PRICKLE2: variants seen among roughly 807,000 people sequenced by gnomAD.
PRICKLE2 encodes the protein prickle planar cell polarity protein 2.
In PRICKLE2, 21 loss-of-function variants were observed where a neutral mutation model predicts 81.4. The observed-to-expected ratio is 0.26, with a 90% CI of 0.18 to 0.37. PRICKLE2 has a LOEUF of 0.37. PRICKLE2 is among the 10% of genes least tolerant of loss of function. The pLI is 1.00. For synonymous variants in PRICKLE2, 456 were observed against 421.5 expected, an observed-to-expected ratio of 1.08 and a Z score of -1.00; for missense variants, 940 against 1,109.0, an observed-to-expected ratio of 0.85 and a Z score of 2.16.
At chr3:64,171,808 T>C (rs1350400113) in intron 2 of PRICKLE2, among the ~76,000 whole-genome samples, 2 of 152,212 alleles carry the variant, frequency 1.3e-5, no homozygotes, top group African/African-American at 4.8e-5. Flanking sequence ...AGATTAGTGC[T>C]GTGGGGTGGG....
At chr3:64,180,927 A>G (rs929394350) in intron 2 of PRICKLE2, among the ~76,000 whole-genome samples, 3 of 152,338 alleles carry the variant, frequency 2.0e-5, no homozygotes, top group Admixed American at 2.0e-4. Context: ...TGAGTCAGAC[A>G]GTGTGTCTAC....
chr3:64,214,133 C>A (rs1038816061), intron 1 of PRICKLE2, among the ~76,000 whole-genome samples: 28 of 152,196 alleles, frequency 1.8e-4, no homozygotes, highest in African/African-American at 6.8e-4. Context: ...CGTGAGCCAG[C>A]TGGCAGCGGA....
At chr3:64,185,744 A>G (rs1282013142) in intron 2 of PRICKLE2, among the ~76,000 whole-genome samples, 1 of 152,258 alleles carries the variant, frequency 6.6e-6, no homozygotes, top group Non-Finnish European at 1.5e-5. Context: ...CCTGTTTGCT[A>G]AAGAGTAACT....
rs1553648460 is a variant in PRICKLE2 at position 64,178,987 on chromosome 3, C to CTTTCTTTCT, written c.145-15867_145-15859dup. Among the ~76,000 whole-genome samples, 13 of 142,586 alleles carry CTTTCTTTCT rather than the reference C, an allele frequency of 9.1e-5. No individual in the cohort carries two copies. The East Asian group carries it at 2.7e-3, about 30-fold the overall frequency. The allele number at this position is 142,586 out of a possible 152,430, so 93.5% of individuals were successfully genotyped here. A position where few individuals can be genotyped will look rare whatever the true frequency, so the allele number is the denominator to read the frequency against. On this transcript the variant is annotated intron_variant, in intron 2 of 7. Coordinates refer to ENST00000638394, the MANE Select transcript of PRICKLE2 (RefSeq NM_198859.4). ...ATTTTCTTTCTTTCTTTCTTTCTTT[C>CTTTCTTTCT]TTTCTTTCTTTCTTTCTTTCTTTCT...
intron 1 of PRICKLE2, 103 bp downstream of exon 1, chr3:64,224,807 C>T: frequency 1.5e-6 from 1 of 647,438 alleles, no homozygotes; most frequent in Non-Finnish European, 1.9e-6. Context: ...AACGAAGACC[C>T]AATATCCTCC....
At chr3:64,260,440 C>G (rs980192496) in intron 2 of PRICKLE2, among the ~76,000 whole-genome samples, 2 of 152,206 alleles carry the variant, frequency 1.3e-5, no homozygotes, top group Non-Finnish European at 2.9e-5. Flanking sequence ...ACAGTTCTTG[C>G]CCATGGCAGA....
At chr3:64,184,268 T>C (rs910847190) in intron 2 of PRICKLE2, among the ~76,000 whole-genome samples, 2 of 152,196 alleles carry the variant, frequency 1.3e-5, no homozygotes, top group Admixed American at 6.5e-5. Flanking sequence ...CTTCATTTTA[T>C]AGATGAGAAA....
intron 2 of PRICKLE2, among the ~76,000 whole-genome samples, chr3:64,185,550 C>T (rs1343991978): frequency 6.6e-6 from 1 of 152,204 alleles, no homozygotes. Flanking sequence ...CTGTGGAACT[C>T]ATTTTCTTGT....
chr3:64,244,640 T>C (rs1307687539), intron 2 of PRICKLE2, among the ~76,000 whole-genome samples: 1 of 139,744 alleles, frequency 7.2e-6, no homozygotes, highest in Non-Finnish European at 1.6e-5. Flanking sequence ...GTGTGTCTGA[T>C]AGAGAGGGAG....
intron 2 of PRICKLE2, among the ~76,000 whole-genome samples, chr3:64,172,987 C>T (rs546751222): frequency 6.6e-6 from 1 of 152,274 alleles, no homozygotes; most frequent in East Asian, 1.9e-4. Flanking sequence ...GTTGTTTAAG[C>T]CACCCAGTCT....
At chr3:64,199,181 C>T in intron 1 of PRICKLE2, 1 of 609,358 alleles carries the variant, frequency 1.6e-6, no homozygotes, top group Non-Finnish European at 2.9e-6. Context: ...GGTCAGAGGC[C>T]ACCAGGTAAG....
At chr3:64,218,067 A>G (rs1449135047) in intron 1 of PRICKLE2, among the ~76,000 whole-genome samples, 1 of 152,174 alleles carries the variant, frequency 6.6e-6, no homozygotes, top group African/African-American at 2.4e-5. Context: ...TATCTGTCAT[A>G]CTGTACAAAT....
In PRICKLE2 at chr3:64,147,184, C is replaced by T. The variant is rs761911298; in HGVS notation, c.1306G>A (p.Gly436Arg). Reference sequence around the variant, plus strand: ...TTGCCCCACATTTCGGGCTGGGCCCCAGCCCCTTGCCCTCCTGGACTGTAG... The same window carrying T: ...TTGCCCCACATTTCGGGCTGGGCCCTAGCCCCTTGCCCTCCTGGACTGTAG... ...TSYSPGGQGA[G>R]AQPEMWGKHF... Residue 436 changes from glycine to arginine, a missense_variant, in exon 7 of 8, where the codon GGG (glycine) becomes AGG (arginine). Gly to Arg is a moderately radical substitution (Grantham distance 125). Coordinates refer to ENST00000638394, the MANE Select transcript of PRICKLE2 (RefSeq NM_198859.4). The surrounding 1 kb of genome is among the most constrained non-coding windows in gnomAD (Gnocchi z 5.0). 6.2e-7 allele frequency: 1 copy of T among 1,613,694 alleles called. No homozygotes were observed.
intron 7 of PRICKLE2, among the ~76,000 whole-genome samples, chr3:64,120,081 G>T (rs1479658628): frequency 6.6e-6 from 1 of 152,118 alleles, no homozygotes; most frequent in Non-Finnish European, 1.5e-5. Context: ...AGGAAGCAAG[G>T]TTTGAAAATC....
chr3:64,215,726 C>T (rs1230426909), intron 1 of PRICKLE2, among the ~76,000 whole-genome samples: 1 of 152,092 alleles, frequency 6.6e-6, no homozygotes, highest in African/African-American at 2.4e-5. Flanking sequence ...TGCCTTTGTC[C>T]TCAATTAAAT....
Position 64,225,303 on chromosome 3 carries a change from A to G in PRICKLE2, c.-434T>C. On this transcript the variant is annotated 5_prime_UTR_variant, in exon 1 of 8. Coordinates refer to ENST00000638394, the MANE Select transcript of PRICKLE2 (RefSeq NM_198859.4). ...GACAATCTGAAGGAAGAAGTCATAG[A>G]CTCCAGCCCAGCGTCACCAGCTGAT... The G allele has an allele frequency of 9.1e-6, 9 of 985,194 alleles. No individual in the cohort carries two copies. The highest frequency in any genetic ancestry group is 1.1e-5 in the Non-Finnish European group (9 of 829,930). 61.0% of individuals were successfully genotyped at this position (985,194 alleles called of 1,614,324 possible). A position where few individuals can be genotyped will look rare whatever the true frequency, so the allele number is the denominator to read the frequency against.
At chr3:64,235,882 A>C (rs1385878158) in intron 2 of PRICKLE2, among the ~76,000 whole-genome samples, 1 of 151,980 alleles carries the variant, frequency 6.6e-6, no homozygotes, top group Non-Finnish European at 1.5e-5. Context: ...AATCTGCTTG[A>C]CTGAACATAC....
chr3:64,174,127 T>C (rs2077979596), intron 2 of PRICKLE2, among the ~76,000 whole-genome samples: 2 of 152,092 alleles, frequency 1.3e-5, no homozygotes, highest in African/African-American at 2.4e-5. Flanking sequence ...TGATTCTTAA[T>C]AGAGAAAAAA....
In PRICKLE2 at chr3:64,146,972, TTCCTCC is replaced by T. The variant is rs768032905; in HGVS notation, c.1512_1517del (p.Glu509_Glu510del). 27 of 1,614,112 alleles carry T rather than the reference TTCCTCC, an allele frequency of 1.7e-5. No homozygotes were observed. In the Middle Eastern group the frequency reaches 6.6e-4, roughly 39 times the overall value. On this transcript the variant is annotated inframe_deletion, in exon 7 of 8. Coordinates refer to ENST00000638394, the MANE Select transcript of PRICKLE2 (RefSeq NM_198859.4). The stretch of plus-strand genomic sequence containing the variant: ...TGGACAAGCCCCCTTCCTCTTCCTC[TTCCTCC>T]TCATATTTGGGGACTTGGATGCTGC...
Sources: allele counts gnomAD v4.1 joint callset (sites outside exome capture counted in the v4.1 genomes callset), GRCh38; gene constraint gnomAD v4.1.1; non-coding constraint Gnocchi (gnomAD v3.1); transcripts MANE v1.5; gene names NCBI Gene and HGNC (gene_info 2026-07-23, HGNC 2026-07-21).